Variants in VTA1 observed in about 807,000 individuals in gnomAD.
VTA1 encodes the protein vesicle trafficking 1.
In VTA1, 24 loss-of-function variants were observed where a neutral mutation model predicts 36.9. The observed-to-expected ratio is 0.65, with a 90% confidence interval of 0.47 to 0.91. The LOEUF (loss-of-function observed/expected upper bound fraction) is 0.91. Among genes scored for constraint, VTA1 ranks in the 40% least tolerant of loss-of-function variants. The pLI is 0.00. For synonymous variants in VTA1, 142 were observed against 130.2 expected, an observed-to-expected ratio of 1.09 and a Z score of -0.62; for missense variants, 393 against 377.2, an observed-to-expected ratio of 1.04 and a Z score of -0.35.
intron 7 of VTA1, among the ~76,000 whole-genome samples, chr6:142,207,356 ATC>A (rs1186612680): frequency 6.6e-6 from 1 of 152,162 alleles, no homozygotes; most frequent in Non-Finnish European, 1.5e-5. Flanking sequence ...CAGGGAAAAT[ATC>A]ACTGAAGACC....
intron 7 of VTA1, among the ~76,000 whole-genome samples, chr6:142,215,388 C>T (rs1775987598): frequency 6.6e-6 from 1 of 151,694 alleles, no homozygotes; most frequent in African/African-American, 2.4e-5. Context: ...TTGCAGTGAG[C>T]CGAGATCATG....
At chr6:142,213,577 C>G (rs1775945864) in intron 7 of VTA1, among the ~76,000 whole-genome samples, 1 of 152,250 alleles carries the variant, frequency 6.6e-6, no homozygotes, top group Admixed American at 6.5e-5. Flanking sequence ...TAGAGGTGTT[C>G]CATGAGGGCT....
rs1214434055 is a variant in VTA1, at chr6:142,219,819, T to G, written c.*1176T>G. ...CTTTAAACACAAGGGTCAGCAAGCT[T>G]TGGCCCATGGATTGGCCACCTGTTA... On this transcript the variant is annotated 3_prime_UTR_variant, in exon 8 of 8. Coordinates refer to ENST00000367630, the MANE Select transcript of VTA1 (RefSeq NM_016485.5). The G allele has an allele frequency of 6.6e-6, 1 of 152,204 alleles. No homozygotes were observed. The highest frequency in any genetic ancestry group is 2.4e-5 in the African/African-American group (1 of 41,450). 9.4% of individuals were successfully genotyped at this position (152,204 alleles called of 1,614,324 possible).
At chr6:142,148,056 A>G (rs1266030377) in intron 1 of VTA1, among the ~76,000 whole-genome samples, 2 of 152,242 alleles carry the variant, frequency 1.3e-5, no homozygotes, top group Non-Finnish European at 2.9e-5. Context: ...AAAAAAATAT[A>G]GGTTAACTCT....
At chr6:142,206,615 G>A (rs990164069) in intron 7 of VTA1, among the ~76,000 whole-genome samples, 1 of 152,144 alleles carries the variant, frequency 6.6e-6, no homozygotes, top group Non-Finnish European at 1.5e-5. Flanking sequence ...TATATGGAGT[G>A]GCAGAAGACC....
In VTA1 at chr6:142,218,930, TAA is replaced by T; in HGVS notation, c.*290_*291del. ...TTCAAAAAATGAAAACACACCTCTA[TAA>T]AATGTGTACTGGGAATAAGCTTTGT... On this transcript the variant is annotated 3_prime_UTR_variant, in exon 8 of 8. Coordinates refer to ENST00000367630, the MANE Select transcript of VTA1 (RefSeq NM_016485.5). 4.5e-6 allele frequency: 1 copy of T among 220,546 alleles called. No individual in the cohort carries two copies. The highest frequency in any genetic ancestry group is 8.7e-6 in the Non-Finnish European group (1 of 115,510). 13.7% of individuals were successfully genotyped at this position (220,546 alleles called of 1,614,324 possible). A position where few individuals can be genotyped will look rare whatever the true frequency, so the allele number is the denominator to read the frequency against.
At chr6:142,180,327 G>A (rs1775203944) in intron 4 of VTA1, among the ~76,000 whole-genome samples, 1 of 152,134 alleles carries the variant, frequency 6.6e-6, no homozygotes, top group Non-Finnish European at 1.5e-5. Context: ...GTCCAAGCCA[G>A]GGACAGTTTG....
intron 1 of VTA1, among the ~76,000 whole-genome samples, chr6:142,151,416 A>G (rs1199296207): frequency 6.6e-6 from 1 of 152,210 alleles, no homozygotes; most frequent in Non-Finnish European, 1.5e-5. Flanking sequence ...AAGAATACCA[A>G]TCTTGGGTTG....
intron 1 of VTA1, among the ~76,000 whole-genome samples, chr6:142,163,681 G>A (rs10457739): frequency 0.037 from 5,562 of 152,216 alleles, 140 homozygotes; most frequent in Middle Eastern, 0.075. Flanking sequence ...GATTTTGGTA[G>A]AAGGCATGGG....
chr6:142,183,646 G>A (rs1219776401), intron 4 of VTA1, among the ~76,000 whole-genome samples: 4 of 152,002 alleles, frequency 2.6e-5, no homozygotes, highest in African/African-American at 9.7e-5. Context: ...TCAGCCAAAA[G>A]GAGTTAATGA....
intron 6 of VTA1, among the ~76,000 whole-genome samples, chr6:142,203,457 T>A (rs1775728831): frequency 2.6e-5 from 4 of 152,124 alleles, no homozygotes; most frequent in Admixed American, 2.6e-4. Context: ...TTACCATTAA[T>A]CAAGAATGCT....
At chr6:142,214,978 T>G (rs1311825752) in intron 7 of VTA1, among the ~76,000 whole-genome samples, 3 of 152,232 alleles carry the variant, frequency 2.0e-5, no homozygotes, top group Non-Finnish European at 4.4e-5. Flanking sequence ...CACCTTTTAA[T>G]GCATATATGT....
At chr6:142,164,394 T>C (rs1460397409) in intron 1 of VTA1, among the ~76,000 whole-genome samples, 2 of 152,230 alleles carry the variant, frequency 1.3e-5, no homozygotes, top group Non-Finnish European at 1.5e-5. Context: ...TTTTTCTCCT[T>C]AATACCTAGA....
At chr6:142,177,761 A>G (rs1253592918) in intron 4 of VTA1, among the ~76,000 whole-genome samples, 2 of 152,174 alleles carry the variant, frequency 1.3e-5, no homozygotes, top group East Asian at 1.9e-4. Context: ...CTGAGTCTGA[A>G]GCATATAGCT....
intron 2 of VTA1, among the ~76,000 whole-genome samples, chr6:142,166,939 T>C (rs1774928842): frequency 6.6e-6 from 1 of 152,176 alleles, no homozygotes; most frequent in South Asian, 2.1e-4. Flanking sequence ...AAAAACCCTT[T>C]CTAACCTTCC....
chr6:142,184,541 A>G (rs1775303580), intron 4 of VTA1, among the ~76,000 whole-genome samples: 1 of 120,162 alleles, frequency 8.3e-6, no homozygotes, highest in South Asian at 2.7e-4. Flanking sequence ...AGTAAATAAT[A>G]AATAACTTGA....
Position 142,198,541 on chromosome 6 carries a change from A to G in VTA1, c.623A>G (p.Asn208Ser), listed in dbSNP as rs1775613448. ...TYDPSNMPSGNYTGIQIPPGA... is the reference protein window; with the variant it reads ...TYDPSNMPSGSYTGIQIPPGA... ...GACCCAAGCAACATGCCATCAGGCA[A>G]CTATACTGGAATACAGATTCCTCCG... Residue 208 changes from asparagine to serine, a missense_variant, in exon 6 of 8, where the codon AAC becomes AGC. Transcript: ENST00000367630. The G allele has an allele frequency of 5.0e-6, 8 of 1,614,052 alleles. No individual in the cohort carries two copies. The East Asian group carries it at 1.6e-4, about 31-fold the overall frequency.
intron 7 of VTA1, among the ~76,000 whole-genome samples, chr6:142,209,761 A>G (rs1232384497): frequency 6.6e-6 from 1 of 152,036 alleles, no homozygotes; most frequent in Non-Finnish European, 1.5e-5. Flanking sequence ...AAGTAGACAC[A>G]TAAAAAATGG....
Position 142,218,627 on chromosome 6 carries a change from C to T in VTA1, c.908C>T (p.Thr303Met), listed in dbSNP as rs762016322. Residue 303 changes from threonine to methionine, a missense_variant, in exon 8 of 8, where the codon ACG becomes ATG. By Grantham distance (81) the Thr-to-Met change is moderately conservative. Coordinates refer to ENST00000367630, the MANE Select transcript of VTA1 (RefSeq NM_016485.5). ...QNLQKALKLL[T>M]TGRE ...CTACAAAAGGCTCTCAAGTTACTGACGACAGGCAGAGAATGAAGCCTTTGT... is the reference window on the plus strand; with the variant it reads ...CTACAAAAGGCTCTCAAGTTACTGATGACAGGCAGAGAATGAAGCCTTTGT... 8.1e-6 allele frequency: 13 copies of T among 1,610,036 alleles called. No individual in the cohort carries two copies. Among genetic ancestry groups the T allele is most frequent in the South Asian group, 4.4e-5 (4 of 89,932 alleles).
Sources: allele counts gnomAD v4.1 joint callset (sites outside exome capture counted in the v4.1 genomes callset), GRCh38; gene constraint gnomAD v4.1.1; transcripts MANE v1.5; gene names NCBI Gene and HGNC (gene_info 2026-07-23, HGNC 2026-07-21).